THSD4: variants seen among roughly 807,000 people sequenced by gnomAD.
The protein encoded by THSD4 is thrombospondin type 1 domain containing 4, also known as thrombospondin type-1 domain-containing protein 4.
A neutral mutation model predicts 119.0 loss-of-function variants in THSD4; 69 were observed. The ratio of observed to expected loss-of-function variants is 0.58; its 90% confidence interval spans 0.48 to 0.71. THSD4 has a LOEUF of 0.71. THSD4 is among the 30% of genes least tolerant of loss of function. The probability of loss-of-function intolerance (pLI) is 0.00; values close to 1 mark genes in which losing one functional copy is unlikely to be tolerated. For synonymous variants in THSD4, 524 were observed against 540.4 expected, an observed-to-expected ratio of 0.97 and a Z score of 0.42; for missense variants, 1,393 against 1,391.1, an observed-to-expected ratio of 1.00 and a Z score of -0.02.
intron 8 of THSD4, among the ~76,000 whole-genome samples, chr15:71,695,316 A>G (rs1048284014): frequency 5.9e-5 from 9 of 151,712 alleles, no homozygotes; most frequent in Non-Finnish European, 1.2e-4. Flanking sequence ...TCTCCCTTCT[A>G]TCCTTTTATT....
intron 7 of THSD4, among the ~76,000 whole-genome samples, chr15:71,576,706 T>C (rs1419754314): frequency 2.6e-5 from 4 of 152,232 alleles, no homozygotes; most frequent in African/African-American, 9.6e-5. Flanking sequence ...CTTTCTCTTA[T>C]ATCACACAGT....
chr15:71,476,983 G>C (rs1224852468), intron 7 of THSD4, among the ~76,000 whole-genome samples: 1 of 152,214 alleles, frequency 6.6e-6, no homozygotes, highest in East Asian at 1.9e-4. Context: ...CTGGGGCAGG[G>C]AGAACTTCTC....
chr15:71,418,863 T>G (rs1338351705), intron 7 of THSD4, among the ~76,000 whole-genome samples: 1 of 109,228 alleles, frequency 9.2e-6, no homozygotes, highest in African/African-American at 3.1e-5. Context: ...TTAATTGGTC[T>G]GTTCAAGTAT....
chr15:71,602,170 G>C (rs1356487655), intron 7 of THSD4, among the ~76,000 whole-genome samples: 1 of 152,070 alleles, frequency 6.6e-6, no homozygotes, highest in Admixed American at 6.6e-5. Flanking sequence ...CTTTGTACTT[G>C]AGACACTGAA....
At chr15:71,773,170 C>T (rs1247687676) in intron 17 of THSD4, among the ~76,000 whole-genome samples, 4 of 131,180 alleles carry the variant, frequency 3.0e-5, no homozygotes, top group Non-Finnish European at 1.5e-5. Context: ...CACTGCACTC[C>T]AGCCTAGGAG....
chr15:71,594,919 C>T (rs527459671), intron 7 of THSD4, among the ~76,000 whole-genome samples: 26 of 152,048 alleles, frequency 1.7e-4, no homozygotes, highest in Non-Finnish European at 3.5e-4. Context: ...TTGGGGAAGG[C>T]TTCTCTGAAG....
At chr15:71,503,696 A>AGG (rs1396450530) in intron 7 of THSD4, among the ~76,000 whole-genome samples, 1 of 152,112 alleles carries the variant, frequency 6.6e-6, no homozygotes, top group African/African-American at 2.4e-5. Context: ...TCTTCAGCAA[A>AGG]GGGGGGCCTG....
intron 1 of THSD4, among the ~76,000 whole-genome samples, chr15:71,109,233 A>G (rs1310830904): frequency 1.3e-5 from 2 of 152,164 alleles, no homozygotes; most frequent in Non-Finnish European, 2.9e-5. Flanking sequence ...CAGCAGCTCT[A>G]TCAATGTCTT....
At chr15:71,442,567 T>TAAAAAAAA (rs1410001264) in intron 7 of THSD4, among the ~76,000 whole-genome samples, 1 of 21,200 alleles carries the variant, frequency 4.7e-5, no homozygotes, top group Non-Finnish European at 8.7e-5. Flanking sequence ...AAACTCCATC[T>TAAAAAAAA]CAAAAAAAAA....
chr15:71,603,712 T>C (rs1274416734), intron 7 of THSD4, among the ~76,000 whole-genome samples: 1 of 152,174 alleles, frequency 6.6e-6, no homozygotes, highest in Non-Finnish European at 1.5e-5. Flanking sequence ...GGCCAGATTA[T>C]GAATGGCTTG....
At chr15:71,138,912 CCATA>C (rs1268955429) in intron 1 of THSD4, among the ~76,000 whole-genome samples, 7 of 151,514 alleles carry the variant, frequency 4.6e-5, no homozygotes, top group Non-Finnish European at 7.4e-5. Flanking sequence ...AGCACTCAGG[CCATA>C]CAGTCTAGAT....
At chr15:71,667,593 G>C (rs938592582) in intron 8 of THSD4, among the ~76,000 whole-genome samples, 11 of 152,136 alleles carry the variant, frequency 7.2e-5, no homozygotes, top group African/African-American at 2.7e-4. Context: ...CAACAGTAAT[G>C]GTCAGCATTG....
At chr15:71,099,140 T>C (rs1326852420) in intron 1 of THSD4, among the ~76,000 whole-genome samples, 1 of 152,174 alleles carries the variant, frequency 6.6e-6, no homozygotes, top group Non-Finnish European at 1.5e-5. Flanking sequence ...TGACCACCAC[T>C]TTTATATTTC....
intron 6 of THSD4, among the ~76,000 whole-genome samples, chr15:71,319,127 T>C (rs1425004333): frequency 6.6e-6 from 1 of 152,172 alleles, no homozygotes; most frequent in East Asian, 1.9e-4. Flanking sequence ...TGATGACATT[T>C]GTTTCAGGCC....
intron 7 of THSD4, among the ~76,000 whole-genome samples, chr15:71,481,919 ACT>A (rs2047736200): frequency 6.6e-6 from 1 of 151,978 alleles, no homozygotes; most frequent in African/African-American, 2.4e-5. Flanking sequence ...TTGCTTGAAA[ACT>A]CAGCCTTTTG....
chr15:71,326,210 T>C (rs2045335283), intron 6 of THSD4, among the ~76,000 whole-genome samples: 1 of 152,266 alleles, frequency 6.6e-6, no homozygotes, highest in Admixed American at 6.5e-5. Context: ...GTTTCCTCGT[T>C]CACAATGTGG....
At chr15:71,445,389 A>G (rs1286323751) in intron 7 of THSD4, among the ~76,000 whole-genome samples, 1 of 152,164 alleles carries the variant, frequency 6.6e-6, no homozygotes. Flanking sequence ...AGCGCATAAT[A>G]CTTACTCAAA....
intron 6 of THSD4, among the ~76,000 whole-genome samples, chr15:71,356,383 A>G (rs140172914): frequency 1.0e-3 from 154 of 152,182 alleles, no homozygotes; most frequent in African/African-American, 3.3e-3. Context: ...ACAGTCCAAC[A>G]TGGCAGGAGG....
At chr15:71,384,710 C>A (rs1364933462) in intron 6 of THSD4, among the ~76,000 whole-genome samples, 1 of 152,204 alleles carries the variant, frequency 6.6e-6, no homozygotes, top group African/African-American at 2.4e-5. Flanking sequence ...TTTTAAAATG[C>A]ACTTCTTAAA....
Sources: allele counts gnomAD v4.1 joint callset (sites outside exome capture counted in the v4.1 genomes callset), GRCh38; gene constraint gnomAD v4.1.1; transcripts MANE v1.5; gene names NCBI Gene and HGNC (gene_info 2026-07-23, HGNC 2026-07-21).